RBM27: variants seen among roughly 807,000 people sequenced by gnomAD.
The protein encoded by RBM27 is RNA-binding protein 27.
RBM27 carries 22 observed loss-of-function variants against 135.3 expected under a neutral mutation model. The observed-to-expected ratio is 0.16, with a 90% CI of 0.12 to 0.23. The LOEUF (loss-of-function observed/expected upper bound fraction) is 0.23. Among genes scored for constraint, RBM27 ranks in the 10% least tolerant of loss-of-function variants. The pLI is 1.00. For missense variants in RBM27, 1,009 were observed against 1,281.0 expected (o/e 0.79, Z 3.24); for synonymous variants, 481 against 442.4 (o/e 1.09, Z -1.10).
intron 2 of RBM27, among the ~76,000 whole-genome samples, chr5:146,220,489 A>T (rs757715021): frequency 0.19 from 19,450 of 104,236 alleles, 1,676 homozygotes; most frequent in Non-Finnish European, 0.25. Flanking sequence ...AAAAAAAAAA[A>T]ATATATATAT....
intron 11 of RBM27, among the ~76,000 whole-genome samples, chr5:146,259,695 C>T (rs944249329): frequency 2.0e-5 from 3 of 151,002 alleles, no homozygotes; most frequent in Admixed American, 2.0e-4. Context: ...ATAATGTGGC[C>T]GGGCGCGGTG....
In RBM27 at chr5:146,223,553, T is replaced by G. The variant is rs376874093; in HGVS notation, c.303+26T>G. 2.5e-6 allele frequency: 4 copies of G among 1,590,402 alleles called. No individual in the cohort carries two copies. The Admixed American group carries it at 7.5e-5, about 30-fold the overall frequency. ...GTAATGCAAATTTTTTCTCCTGCTTTTGGGGGCTTCTTAGATCCTGTCACC... is the reference window on the plus strand; with the variant it reads ...GTAATGCAAATTTTTTCTCCTGCTTGTGGGGGCTTCTTAGATCCTGTCACC... On this transcript the variant is annotated intron_variant, in intron 3 of 20. Transcript: ENST00000265271.
At position 146,203,618 on chromosome 5, in the gene RBM27, C is replaced by A. The variant is rs1300392581; in HGVS notation, c.-148C>A. 3 of 698,902 alleles carry A rather than the reference C, an allele frequency of 4.3e-6. No homozygotes were observed. The highest frequency in any genetic ancestry group is 7.3e-6 in the Non-Finnish European group (3 of 409,726). 43.3% of individuals were successfully genotyped at this position (698,902 alleles called of 1,614,324 possible). A position where few individuals can be genotyped will look rare whatever the true frequency, so the allele number is the denominator to read the frequency against. On this transcript the variant is annotated 5_prime_UTR_variant, in exon 1 of 21. Coordinates refer to ENST00000265271, the MANE Select transcript of RBM27 (RefSeq NM_018989.2). ...GGCTCTTGGGTTAGTTCCTGTTAGG[C>A]CCCGGCCGGGGGAGTAGGTTGAAGT...
chr5:146,284,084 A>T (rs1759481156), intron 19 of RBM27, among the ~76,000 whole-genome samples: 8 of 152,174 alleles, frequency 5.3e-5, no homozygotes. Context: ...ATGAGTTAGG[A>T]TAGTATTAGG....
chr5:146,247,961 C>A (rs1757702203), intron 8 of RBM27, among the ~76,000 whole-genome samples: 1 of 152,108 alleles, frequency 6.6e-6, no homozygotes, highest in Non-Finnish European at 1.5e-5. Context: ...TGCTAGCATT[C>A]CATATAGTTG....
chr5:146,222,073 T>C (rs2126719499), intron 2 of RBM27, among the ~76,000 whole-genome samples: 1 of 152,328 alleles, frequency 6.6e-6, no homozygotes, highest in South Asian at 2.1e-4. Context: ...TTATAAATTG[T>C]TTTAAATAAT....
intron 8 of RBM27, among the ~76,000 whole-genome samples, chr5:146,240,761 A>T (rs1757373878): frequency 6.6e-6 from 1 of 152,246 alleles, no homozygotes; most frequent in African/African-American, 2.4e-5. Context: ...TACAGAACGG[A>T]AATCACATTT....
intron 19 of RBM27, among the ~76,000 whole-genome samples, chr5:146,276,879 A>G (rs1355209239): frequency 6.6e-6 from 1 of 152,094 alleles, no homozygotes; most frequent in Non-Finnish European, 1.5e-5. Context: ...GCATAGTGAG[A>G]CCCTATCTTT....
At chr5:146,269,684 T>A in intron 17 of RBM27, 100 bp downstream of exon 17, 4 of 571,874 alleles carry the variant, frequency 7.0e-6, no homozygotes, top group Non-Finnish European at 7.7e-6. Context: ...GCTAATATCC[T>A]AACAGGGATA....
chr5:146,249,393 A>AT (rs1343462166), intron 8 of RBM27, among the ~76,000 whole-genome samples: 1 of 151,344 alleles, frequency 6.6e-6, no homozygotes, highest in Non-Finnish European at 1.5e-5. Context: ...CATTGAGACT[A>AT]TGTTAAATTG....
At chr5:146,274,222 C>CTT (rs202106156) in intron 19 of RBM27, among the ~76,000 whole-genome samples, 3 of 143,488 alleles carry the variant, frequency 2.1e-5, no homozygotes, top group African/African-American at 7.7e-5. Flanking sequence ...ACACATACTC[C>CTT]TTTTTTTTTT....
chr5:146,252,491 A>G (rs1489178646), intron 9 of RBM27, among the ~76,000 whole-genome samples: 1 of 152,194 alleles, frequency 6.6e-6, no homozygotes, highest in Non-Finnish European at 1.5e-5. Context: ...CCCAGGATTT[A>G]TGGCACAAGG....
intron 1 of RBM27, among the ~76,000 whole-genome samples, chr5:146,209,999 T>G (rs1462425600): frequency 6.6e-6 from 1 of 152,216 alleles, no homozygotes; most frequent in Non-Finnish European, 1.5e-5. Context: ...CTGTGTTTCT[T>G]GCCACTGTCT....
Position 146,261,664 on chromosome 5 carries a change from C to A in RBM27, c.2048C>A (p.Ser683Tyr). 3.1e-6 allele frequency: 5 copies of A among 1,614,160 alleles called. No individual in the cohort carries two copies. The highest frequency in any genetic ancestry group is 4.2e-6 in the Non-Finnish European group (5 of 1,180,018). ...RENNEQPTLQSSAQLLLQQQQ... is the reference protein window; with the variant it reads ...RENNEQPTLQYSAQLLLQQQQ... ...AATAATGAGCAACCGACACTACAGT[C>A]CTCAGCACAGCTGCTCCTGCAACAA... Residue 683 changes from serine to tyrosine, a missense_variant, in exon 13 of 21, where the codon TCC (serine) becomes TAC (tyrosine). By Grantham distance (144) the Ser-to-Tyr change is moderately radical. This residue lies in a region of RBM27 where 355 missense variants were observed against 427.3 expected (regional missense o/e 0.83). Coordinates refer to ENST00000265271, the MANE Select transcript of RBM27 (RefSeq NM_018989.2).
intron 19 of RBM27, among the ~76,000 whole-genome samples, chr5:146,276,001 CT>C (rs1759077368): frequency 6.6e-6 from 1 of 152,012 alleles, no homozygotes; most frequent in South Asian, 2.1e-4. Context: ...TTTTATTAGG[CT>C]TTTTTCCTCT....
chr5:146,258,078 C>CA (rs1758198704), intron 10 of RBM27, among the ~76,000 whole-genome samples: 2 of 152,106 alleles, frequency 1.3e-5, no homozygotes, highest in Admixed American at 1.3e-4. Context: ...CTCGGCCTCC[C>CA]AAAGTGCTGG....
At position 146,288,838 on chromosome 5, in the gene RBM27, A is replaced by G. The variant is rs1759687064; in HGVS notation, c.*2808A>G. ...GTTACCAGCTAAGATGATAAATTGG[A>G]AAACAGTCTTGTTAAGGTGAAAGGG... is the stretch of plus-strand genomic sequence containing the variant. On this transcript the variant is annotated 3_prime_UTR_variant, in exon 21 of 21. Transcript: ENST00000265271. The G allele has an allele frequency of 6.6e-6, 1 of 152,104 alleles. No individual in the cohort carries two copies. Among genetic ancestry groups the G allele is most frequent in the Non-Finnish European group, 1.5e-5 (1 of 67,946 alleles). 9.4% of individuals were successfully genotyped at this position (152,104 alleles called of 1,614,324 possible). A position where few individuals can be genotyped will look rare whatever the true frequency, so the allele number is the denominator to read the frequency against.
rs560721490 is a variant in RBM27 at position 146,288,982 on chromosome 5, A to C, written c.*2952A>C. ...TTTTTACAAAATTGTGAACTTGTGT[A>C]ATAGTATAATAGGAGATATTGTTGA... On this transcript the variant is annotated 3_prime_UTR_variant, in exon 21 of 21. Transcript: ENST00000265271. 5.9e-5 allele frequency: 9 copies of C among 152,270 alleles called. No individual in the cohort carries two copies. Among genetic ancestry groups the C allele is most frequent in the African/African-American group, 1.9e-4 (8 of 41,598 alleles). 9.4% of individuals were successfully genotyped at this position (152,270 alleles called of 1,614,324 possible).
At chr5:146,249,170 A>T (rs1332673897) in intron 8 of RBM27, among the ~76,000 whole-genome samples, 1 of 151,666 alleles carries the variant, frequency 6.6e-6, no homozygotes, top group Admixed American at 6.6e-5. Flanking sequence ...TTTAGTAGAG[A>T]CAGAGTCTCG....
Sources: gnomAD v4.1 joint callset for allele counts (sites outside exome capture counted in the v4.1 genomes callset) on GRCh38, gnomAD v4.1.1 for gene constraint, gnomAD v4.1.1 regional missense constraint, MANE v1.5 for transcripts, NCBI Gene and HGNC (gene_info 2026-07-23, HGNC 2026-07-21) for gene names.